Variants in DPP10 observed in about 807,000 individuals in gnomAD.
DPP10 encodes the protein inactive dipeptidyl peptidase 10.
A neutral mutation model predicts 120.9 loss-of-function variants in DPP10; 33 were observed. The observed-to-expected ratio is 0.27, with a 90% CI of 0.21 to 0.37. The LOEUF (loss-of-function observed/expected upper bound fraction) is 0.37. DPP10 is among the 10% of genes least tolerant of loss of function. DPP10 has a pLI of 1.00. For missense variants in DPP10, 816 were observed against 942.8 expected, an observed-to-expected ratio of 0.87 and a Z score of 1.76; for synonymous variants, 337 against 326.1, an observed-to-expected ratio of 1.03 and a Z score of -0.36.
chr2:114,799,425 G>T (rs1684001004), intron 1 of DPP10, among the ~76,000 whole-genome samples: 1 of 152,084 alleles, frequency 6.6e-6, no homozygotes, highest in African/African-American at 2.4e-5. Flanking sequence ...ATCACCACCA[G>T]GTGTACAGTA....
chr2:115,842,090 G>A (rs989555149), intron 25 of DPP10, 121 bp from the exon 26 acceptor site: 5 of 925,072 alleles, frequency 5.4e-6, no homozygotes, highest in Admixed American at 3.1e-5. Flanking sequence ...AGTAGAATTA[G>A]GTTTGATTTT....
At chr2:115,120,076 C>A (rs939387420) in intron 1 of DPP10, among the ~76,000 whole-genome samples, 3 of 152,206 alleles carry the variant, frequency 2.0e-5, no homozygotes, top group Admixed American at 1.3e-4. Context: ...ATATCTAGGT[C>A]TTGACAATTT....
intron 1 of DPP10, among the ~76,000 whole-genome samples, chr2:114,710,249 G>A (rs191532237): frequency 1.2e-4 from 18 of 152,310 alleles, no homozygotes; most frequent in Admixed American, 5.2e-4. Context: ...CCACAAAGGC[G>A]GATTTGAGTA....
intron 1 of DPP10, among the ~76,000 whole-genome samples, chr2:114,521,268 A>ACACACT (rs1685028084): frequency 6.6e-6 from 1 of 151,696 alleles, no homozygotes; most frequent in African/African-American, 2.4e-5. Context: ...ACACACACAC[A>ACACACT]CACACACACA....
chr2:114,890,852 C>T lies in DPP10; in HGVS notation c.61-418387C>T, dbSNP rs369757088. 3.4e-4 allele frequency among the ~76,000 whole-genome samples: 51 copies of T among 151,924 alleles called. 1 individual carries two copies. Among genetic ancestry groups the T allele is most frequent in the African/African-American group, 1.0e-3 (42 of 41,404 alleles). ...TGTCGCTCTACATAGGAAAACACAC[C>T]GAGTTTTATCTGCTACTGGTTTTCA... On this transcript the variant is annotated intron_variant, in intron 1 of 25. Transcript: ENST00000410059.
chr2:115,767,721 A>G (rs1680964909), intron 12 of DPP10, among the ~76,000 whole-genome samples: 2 of 151,942 alleles, frequency 1.3e-5, no homozygotes, highest in South Asian at 4.1e-4. Flanking sequence ...GTTTGTGGAG[A>G]GATGAGCAAT....
rs1479248964 is a variant in DPP10 at position 114,601,682 on chromosome 2, G to T, written c.60+158844G>T. Among the ~76,000 whole-genome samples the T allele has an allele frequency of 2.8e-4, 43 of 151,942 alleles. 1 individual carries two copies. Among genetic ancestry groups the T allele is most frequent in the Admixed American group, 2.8e-3 (43 of 15,216 alleles). ...TGAAACTTCGTGAAGCTTGGGTTAA[G>T]CTCTTGGCTATGTTACATCTGAGAA... On this transcript the variant is annotated intron_variant, in intron 1 of 25. Transcript: ENST00000410059.
intron 19 of DPP10, among the ~76,000 whole-genome samples, chr2:115,800,246 T>G (rs2149963928): frequency 6.6e-6 from 1 of 151,980 alleles, no homozygotes; most frequent in South Asian, 2.1e-4. Flanking sequence ...TTGAGAAGTG[T>G]CTGTTCATGT....
At chr2:114,564,329 A>G (rs902277916) in intron 1 of DPP10, among the ~76,000 whole-genome samples, 1 of 152,076 alleles carries the variant, frequency 6.6e-6, no homozygotes, top group Admixed American at 6.6e-5. Flanking sequence ...TTATCTAACC[A>G]AGCAGAAACG....
At chr2:115,722,662 GAC>G in intron 7 of DPP10, among the ~76,000 whole-genome samples, 1 of 152,018 alleles carries the variant, frequency 6.6e-6, no homozygotes, top group East Asian at 1.9e-4. Flanking sequence ...ACGTAGAAAA[GAC>G]ACAGAAAAAA....
At chr2:115,070,194 A>T (rs997670415) in intron 1 of DPP10, among the ~76,000 whole-genome samples, 1 of 152,092 alleles carries the variant, frequency 6.6e-6, no homozygotes, top group Non-Finnish European at 1.5e-5. Flanking sequence ...GACATTACAC[A>T]TCTCTTTGTG....
chr2:115,129,434 A>C (rs2050230979), intron 1 of DPP10, among the ~76,000 whole-genome samples: 1 of 152,144 alleles, frequency 6.6e-6, no homozygotes, highest in Non-Finnish European at 1.5e-5. Context: ...ATTTGTCATT[A>C]AGATAATTTT....
intron 1 of DPP10, among the ~76,000 whole-genome samples, chr2:115,183,977 G>A (rs897500588): frequency 2.0e-5 from 3 of 152,128 alleles, no homozygotes; most frequent in Non-Finnish European, 1.5e-5. Context: ...AGGAGGAGAG[G>A]TGCACAAGCC....
intron 1 of DPP10, among the ~76,000 whole-genome samples, chr2:114,561,826 C>T (rs1397532677): frequency 6.6e-6 from 1 of 152,194 alleles, no homozygotes; most frequent in African/African-American, 2.4e-5. Flanking sequence ...TAAATGGCCT[C>T]TGACACAAAA....
chr2:114,604,187 G>A lies in DPP10; in HGVS notation c.60+161349G>A, dbSNP rs1343908509. 2.6e-5 allele frequency among the ~76,000 whole-genome samples: 4 copies of A among 152,114 alleles called. No individual in the cohort carries two copies. The East Asian group carries it at 7.8e-4, about 30-fold the overall frequency. On this transcript the variant is annotated intron_variant, in intron 1 of 25. Transcript: ENST00000410059. ...TACCAAATTCCAGACATCCTGAAGT[G>A]TTCAGCATAGACCATATGGTTTGCA...
intron 17 of DPP10, among the ~76,000 whole-genome samples, chr2:115,787,126 C>T (rs1254737130): frequency 2.6e-5 from 4 of 152,182 alleles, no homozygotes; most frequent in African/African-American, 9.7e-5. Context: ...AACCTGCCTG[C>T]AACATATGCC....
intron 1 of DPP10, among the ~76,000 whole-genome samples, chr2:114,731,906 T>C (rs1215775886): frequency 6.6e-6 from 1 of 152,140 alleles, no homozygotes; most frequent in Non-Finnish European, 1.5e-5. Flanking sequence ...TCTGAGCACA[T>C]TCCATGTGGA....
intron 1 of DPP10, among the ~76,000 whole-genome samples, chr2:114,801,868 C>A (rs1684281423): frequency 6.6e-6 from 1 of 152,102 alleles, no homozygotes; most frequent in African/African-American, 2.4e-5. Flanking sequence ...CTGCTTGTTG[C>A]ATAAGGACCA....
At chr2:115,565,149 A>G (rs1486770287) in intron 5 of DPP10, among the ~76,000 whole-genome samples, 1 of 152,200 alleles carries the variant, frequency 6.6e-6, no homozygotes, top group African/African-American at 2.4e-5. Flanking sequence ...GTATGTGTGT[A>G]TATATGTATG....
Sources: allele counts gnomAD v4.1 joint callset (sites outside exome capture counted in the v4.1 genomes callset), GRCh38; gene constraint gnomAD v4.1.1; transcripts MANE v1.5; gene names NCBI Gene and HGNC (gene_info 2026-07-23, HGNC 2026-07-21).